CABIN1: variants seen among roughly 807,000 people sequenced by gnomAD.
The protein encoded by CABIN1 is calcineurin binding protein 1, also known as calcineurin-binding protein cabin-1.
CABIN1 carries 133 observed loss-of-function variants against 227.7 expected under a neutral mutation model. The observed-to-expected ratio is 0.58, with a 90% CI of 0.51 to 0.67. The LOEUF is 0.67. Among genes scored for constraint, CABIN1 ranks in the 30% least tolerant of loss-of-function variants. CABIN1 has a pLI of 0.00. For synonymous variants in CABIN1, 1,086 were observed against 1,155.1 expected (o/e 0.94, Z 1.21); for missense variants, 2,408 against 2,852.5 (o/e 0.84, Z 3.55).
intron 26 of CABIN1, among the ~76,000 whole-genome samples, chr22:24,104,622 G>A (rs2042408567): frequency 6.6e-6 from 1 of 152,098 alleles, no homozygotes; most frequent in Non-Finnish European, 1.5e-5. Flanking sequence ...TCTCTCTCAG[G>A]GGCCCCCAGG....
At chr22:24,064,731 C>G (rs575822824) in intron 15 of CABIN1, among the ~76,000 whole-genome samples, 20 of 152,076 alleles carry the variant, frequency 1.3e-4, no homozygotes, top group Non-Finnish European at 1.9e-4. Flanking sequence ...AACGAGCATG[C>G]TGCCTTCAAG....
At chr22:24,165,179 C>T (rs1335050292) in intron 30 of CABIN1, among the ~76,000 whole-genome samples, 2 of 152,242 alleles carry the variant, frequency 1.3e-5, no homozygotes, top group Non-Finnish European at 2.9e-5. Context: ...ACTCACCTAC[C>T]ACTTGCCAGG....
At chr22:24,145,675 T>C (rs1412378162) in intron 29 of CABIN1, among the ~76,000 whole-genome samples, 4 of 152,178 alleles carry the variant, frequency 2.6e-5, no homozygotes, top group African/African-American at 9.7e-5. Context: ...TGCATGCATA[T>C]GTCTGTCCTC....
At chr22:24,176,839 G>A (rs2047141379) in intron 35 of CABIN1, among the ~76,000 whole-genome samples, 1 of 152,240 alleles carries the variant, frequency 6.6e-6, no homozygotes, top group Non-Finnish European at 1.5e-5. Flanking sequence ...CAGACCACTT[G>A]GGATGGCAGG....
At chr22:24,072,332 G>C (rs779427422) in intron 17 of CABIN1, 22 bp from the exon 18 acceptor site, 3 of 1,613,918 alleles carry the variant, frequency 1.9e-6, no homozygotes, top group East Asian at 4.5e-5. Context: ...CACTTCTGCT[G>C]TCTCCCACCC....
chr22:24,146,181 A>C (rs1220200173), intron 29 of CABIN1, among the ~76,000 whole-genome samples: 1 of 152,260 alleles, frequency 6.6e-6, no homozygotes, highest in East Asian at 1.9e-4. Flanking sequence ...TGGCTGTAGT[A>C]GGAATTGCTG....
chr22:24,022,001 T>C (rs969206554), intron 1 of CABIN1, among the ~76,000 whole-genome samples: 2 of 152,232 alleles, frequency 1.3e-5, no homozygotes, highest in Non-Finnish European at 2.9e-5. Flanking sequence ...TTCTTGACTG[T>C]CATATCATCA....
intron 10 of CABIN1, among the ~76,000 whole-genome samples, chr22:24,057,239 CCTT>C (rs35963314): frequency 0.18 from 27,790 of 152,168 alleles, 2,817 homozygotes; most frequent in Admixed American, 0.27. Flanking sequence ...CCCGGCCAGT[CCTT>C]CTGCTTTTTG....
intron 10 of CABIN1, among the ~76,000 whole-genome samples, chr22:24,056,844 T>G (rs2038832574): frequency 6.6e-6 from 1 of 152,116 alleles, no homozygotes; most frequent in Non-Finnish European, 1.5e-5. Flanking sequence ...TCTTAGTGCT[T>G]CTCAGGAGCC....
intron 29 of CABIN1, among the ~76,000 whole-genome samples, chr22:24,143,990 T>C (rs2044951226): frequency 1.3e-5 from 2 of 152,216 alleles, no homozygotes; most frequent in African/African-American, 4.8e-5. Flanking sequence ...GCCAAAGGGA[T>C]GCTTGTCAAG....
intron 1 of CABIN1, among the ~76,000 whole-genome samples, chr22:24,019,568 T>C (rs986070500): frequency 2.0e-5 from 3 of 151,870 alleles, no homozygotes; most frequent in African/African-American, 7.3e-5. Flanking sequence ...TGAGTTATTA[T>C]TGAATAAATT....
intron 15 of CABIN1, among the ~76,000 whole-genome samples, chr22:24,064,512 GT>G (rs782268156): frequency 2.6e-3 from 280 of 106,882 alleles, no homozygotes; most frequent in South Asian, 6.4e-3. Flanking sequence ...CAGCTGAAAG[GT>G]TTTTTTTTTT....
intron 25 of CABIN1, among the ~76,000 whole-genome samples, 199 bp downstream of exon 25, chr22:24,096,281 G>A (rs1451159344): frequency 2.0e-5 from 3 of 152,210 alleles, no homozygotes; most frequent in Non-Finnish European, 4.4e-5. Context: ...GAGAGGGTGA[G>A]TGTGAGTCCC....
intron 28 of CABIN1, 111 bp from the exon 29 acceptor site, chr22:24,134,191 C>T: frequency 1.4e-6 from 1 of 730,972 alleles, no homozygotes; most frequent in Non-Finnish European, 2.5e-6. Context: ...GCAGGAACTG[C>T]TGCTCATCGT....
chr22:24,066,042 TAGGGAG>T (rs1342807896), intron 15 of CABIN1, among the ~76,000 whole-genome samples: 1 of 150,290 alleles, frequency 6.7e-6, no homozygotes, highest in Non-Finnish European at 1.5e-5. Context: ...AGGGAGACCG[TAGGGAG>T]AGGGAGAGGG....
chr22:24,124,686 A>G (rs1197921770), intron 28 of CABIN1, among the ~76,000 whole-genome samples: 2 of 152,174 alleles, frequency 1.3e-5, no homozygotes, highest in Non-Finnish European at 2.9e-5. Flanking sequence ...CAGGAGAGAG[A>G]GCACATGGCA....
intron 28 of CABIN1, 82 bp downstream of exon 28, chr22:24,119,780 C>T (rs933179452): frequency 7.8e-6 from 10 of 1,274,110 alleles, no homozygotes; most frequent in Non-Finnish European, 1.1e-5. Flanking sequence ...AGAGCTAAGA[C>T]AGATTGGAGC....
Position 24,170,176 on chromosome 22 carries a change from C to T in CABIN1, c.5758-1537C>T, listed in dbSNP as rs764601347. 4 of 456,920 alleles carry T rather than the reference C, an allele frequency of 8.8e-6. No individual in the cohort carries two copies. In the East Asian group the frequency reaches 2.1e-4, roughly 24 times the overall value. 28.3% of individuals were successfully genotyped at this position (456,920 alleles called of 1,614,324 possible). A position where few individuals can be genotyped will look rare whatever the true frequency, so the allele number is the denominator to read the frequency against. ...TTGGTATCTGCCGTGGGCAGATTTG[C>T]GTTTCCTACCTAGGATTCTTACCCT... On this transcript the variant is annotated intron_variant, in intron 33 of 36. Coordinates refer to ENST00000263119, the MANE Select transcript of CABIN1 (RefSeq NM_012295.4).
chr22:24,121,319 T>A (rs1934591895), intron 28 of CABIN1, among the ~76,000 whole-genome samples: 1 of 152,184 alleles, frequency 6.6e-6, no homozygotes, highest in Non-Finnish European at 1.5e-5. Flanking sequence ...AAGTGCTGTG[T>A]CCCCACAGTG....
Sources: allele counts gnomAD v4.1 joint callset (sites outside exome capture counted in the v4.1 genomes callset), GRCh38; gene constraint gnomAD v4.1.1; transcripts MANE v1.5; gene names NCBI Gene and HGNC (gene_info 2026-07-23, HGNC 2026-07-21).